ZNF536: variants seen among roughly 807,000 people sequenced by gnomAD.
ZNF536 encodes zinc finger protein 536.
Under a neutral mutation model 84.5 loss-of-function variants are expected in ZNF536, and 13 were observed. The ratio of observed to expected loss-of-function variants is 0.15; its 90% CI spans 0.10 to 0.24. The LOEUF is 0.24. Among genes scored for constraint, ZNF536 ranks in the 10% least tolerant of loss-of-function variants. The pLI is 1.00. For missense variants in ZNF536, 1,536 were observed against 1,747.5 expected, an observed-to-expected ratio of 0.88 and a Z score of 2.16; for synonymous variants, 811 against 742.5, an observed-to-expected ratio of 1.09 and a Z score of -1.50.
chr19:30,689,925 A>G (rs968465161), intron 1 of ZNF536, among the ~76,000 whole-genome samples: 3 of 152,206 alleles, frequency 2.0e-5, no homozygotes, highest in East Asian at 1.9e-4. Context: ...GTGGCTTTTC[A>G]TTTGGCATCA....
At chr19:30,271,349 T>C (rs1311538647) in intron 1 of ZNF536, among the ~76,000 whole-genome samples, 1 of 145,492 alleles carries the variant, frequency 6.9e-6, no homozygotes, top group Non-Finnish European at 1.5e-5. Flanking sequence ...TTGAGGGACT[T>C]ATCATTTTGG....
chr19:30,616,327 T>C (rs1034930001), intron 1 of ZNF536, among the ~76,000 whole-genome samples: 3 of 152,250 alleles, frequency 2.0e-5, no homozygotes, highest in African/African-American at 4.8e-5. Flanking sequence ...AATATCCTTC[T>C]ATGACTATTT....
chr19:30,485,149 CATAA>C (rs199876994), intron 2 of ZNF536, among the ~76,000 whole-genome samples: 14 of 146,270 alleles, frequency 9.6e-5, no homozygotes, highest in Admixed American at 1.3e-4. Context: ...GTCTCAAAAA[CATAA>C]ATAAATAAAT....
chr19:30,622,926 C>G (rs1438092418), intron 1 of ZNF536, among the ~76,000 whole-genome samples: 3 of 152,024 alleles, frequency 2.0e-5, no homozygotes, highest in African/African-American at 7.2e-5. Flanking sequence ...CATCTTGGAC[C>G]CAGAACCCAC....
At chr19:30,321,146 C>T (rs980811509) in intron 2 of ZNF536, among the ~76,000 whole-genome samples, 4 of 152,216 alleles carry the variant, frequency 2.6e-5, no homozygotes, top group Non-Finnish European at 4.4e-5. Context: ...TCCCAGCCCT[C>T]TCTTCTGCAA....
At chr19:30,461,629 G>A (rs953511771) in intron 2 of ZNF536, among the ~76,000 whole-genome samples, 3 of 152,196 alleles carry the variant, frequency 2.0e-5, no homozygotes, top group Non-Finnish European at 2.9e-5. Flanking sequence ...AGGAGGAAAG[G>A]GGAAGAGGCC....
intron 2 of ZNF536, among the ~76,000 whole-genome samples, chr19:30,521,513 GA>G (rs1314743806): frequency 6.6e-6 from 1 of 152,142 alleles, no homozygotes; most frequent in Non-Finnish European, 1.5e-5. Context: ...GTGATCACAA[GA>G]AAAACAAGCA....
chr19:30,477,059 G>C (rs1302419300), intron 2 of ZNF536, among the ~76,000 whole-genome samples: 1 of 152,076 alleles, frequency 6.6e-6, no homozygotes, highest in Non-Finnish European at 1.5e-5. Context: ...AAACTACTGG[G>C]ATTACAGGCA....
chr19:30,686,648 G>A (rs1032247948), intron 1 of ZNF536, among the ~76,000 whole-genome samples: 5 of 152,140 alleles, frequency 3.3e-5, no homozygotes, highest in African/African-American at 1.2e-4. Context: ...GGAGCCCGCC[G>A]GCTCCCGCGG....
chr19:30,608,996 C>G (rs568684185), intron 1 of ZNF536, among the ~76,000 whole-genome samples: 2 of 152,168 alleles, frequency 1.3e-5, no homozygotes, highest in Non-Finnish European at 1.5e-5. Context: ...AGGGCCCATA[C>G]GTGTCTCTCT....
At chr19:30,371,954 G>A (rs749372658), upstream of ZNF536, among the ~76,000 whole-genome samples, 5 of 152,120 alleles carry the variant, frequency 3.3e-5, no homozygotes, top group Middle Eastern at 3.4e-3. Context: ...GCTTGTTTTC[G>A]TAAGGTAAAA....
At chr19:30,500,176 G>A (rs1951413357) in intron 2 of ZNF536, among the ~76,000 whole-genome samples, 1 of 152,258 alleles carries the variant, frequency 6.6e-6, no homozygotes, top group Non-Finnish European at 1.5e-5. Context: ...AGGAGAAGCT[G>A]CTTCTAATCC....
chr19:30,703,738 A>G (rs1157226956), intron 1 of ZNF536, among the ~76,000 whole-genome samples: 1 of 152,216 alleles, frequency 6.6e-6, no homozygotes, highest in Admixed American at 6.5e-5. Context: ...TGACAGCAGC[A>G]GCCGTGCCAA....
rs536174311 is a variant in ZNF536 at position 30,466,983 on chromosome 19, G to T, written c.2170+21251G>T. Among the ~76,000 whole-genome samples, 36 of 152,238 alleles carry T rather than the reference G, an allele frequency of 2.4e-4. No individual in the cohort carries two copies. In the South Asian group the frequency reaches 5.6e-3, roughly 24 times the overall value. On this transcript the variant is annotated intron_variant, in intron 2 of 4. Coordinates refer to ENST00000355537, the MANE Select transcript of ZNF536 (RefSeq NM_014717.3). ...AGCCTCCCAAGTAGCTGGGATTACAGGTGCCCACCGCCACACCTGGCTAAT... is the reference window on the plus strand; with the variant it reads ...AGCCTCCCAAGTAGCTGGGATTACATGTGCCCACCGCCACACCTGGCTAAT...
chr19:30,501,815 T>G (rs1249479917), intron 2 of ZNF536, among the ~76,000 whole-genome samples: 2 of 152,210 alleles, frequency 1.3e-5, no homozygotes, highest in Non-Finnish European at 2.9e-5. Context: ...GGTTGCAATT[T>G]TTTGAATTTT....
chr19:30,592,323 A>G (rs1046890314), intron 1 of ZNF536, among the ~76,000 whole-genome samples: 3 of 152,134 alleles, frequency 2.0e-5, no homozygotes, highest in Non-Finnish European at 4.4e-5. Context: ...CACCCCAGGA[A>G]TGCAGTGGGA....
chr19:30,562,479 G>T (rs978444053), downstream of ZNF536, among the ~76,000 whole-genome samples: 2 of 145,234 alleles, frequency 1.4e-5, no homozygotes, highest in African/African-American at 4.9e-5. Context: ...AGAAAAGAAA[G>T]GAGATCAATG....
intron 1 of ZNF536, among the ~76,000 whole-genome samples, chr19:30,237,853 T>A (rs553782378): frequency 6.6e-6 from 1 of 152,188 alleles, no homozygotes; most frequent in Admixed American, 6.5e-5. Flanking sequence ...GCTGGAAACA[T>A]CAAGTTTGTA....
chr19:30,699,436 C>G (rs1417913089), intron 1 of ZNF536, among the ~76,000 whole-genome samples: 1 of 151,840 alleles, frequency 6.6e-6, no homozygotes. Flanking sequence ...TTTTGGGTAG[C>G]CTTCTAAATT....
Sources: allele counts gnomAD v4.1 joint callset (sites outside exome capture counted in the v4.1 genomes callset), GRCh38; gene constraint gnomAD v4.1.1; transcripts MANE v1.5; gene names NCBI Gene and HGNC (gene_info 2026-07-23, HGNC 2026-07-21).